EVI5L: variants seen among roughly 807,000 people sequenced by gnomAD.
EVI5L encodes the protein ecotropic viral integration site 5 like.
In EVI5L, 30 loss-of-function variants were observed where a neutral mutation model predicts 106.1. That is an observed-to-expected ratio of 0.28 (90% CI 0.21 to 0.38). The LOEUF is 0.38. Among genes scored for constraint, EVI5L ranks in the 10% least tolerant of loss-of-function variants. The pLI, the probability that EVI5L is intolerant of heterozygous loss-of-function variation, is 1.00. For synonymous variants in EVI5L, 489 were observed against 483.3 expected, an observed-to-expected ratio of 1.01 and a Z score of -0.15; for missense variants, 809 against 1,098.0, an observed-to-expected ratio of 0.74 and a Z score of 3.72.
At chr19:7,841,337 G>A (rs1411012764) in intron 1 of EVI5L, among the ~76,000 whole-genome samples, 1 of 152,134 alleles carries the variant, frequency 6.6e-6, no homozygotes, top group Non-Finnish European at 1.5e-5. Flanking sequence ...GGGAGGAAGA[G>A]ATGCCACGTG....
chr19:7,840,085 A>G (rs1220602077), intron 1 of EVI5L, among the ~76,000 whole-genome samples: 1 of 152,182 alleles, frequency 6.6e-6, no homozygotes, highest in African/African-American at 2.4e-5. Context: ...CCGGGGACCC[A>G]GATAGATGCA....
At chr19:7,852,560 C>CT (rs55953605) in intron 8 of EVI5L, among the ~76,000 whole-genome samples, 5 of 148,398 alleles carry the variant, frequency 3.4e-5, no homozygotes, top group African/African-American at 1.2e-4. Context: ...TTACCTTTTT[C>CT]TTTTTTTTTT....
Position 7,863,415 on chromosome 19 carries a change from C to T in EVI5L, c.2140-9C>T. Reference sequence around the variant, plus strand: ...GGTCCACGCCTGCAGCGCCGGTCCCCCGCCCCAGGTGCGGCTGCTGAAGGG... The same window carrying T: ...GGTCCACGCCTGCAGCGCCGGTCCCTCGCCCCAGGTGCGGCTGCTGAAGGG... On this transcript the variant is annotated splice_polypyrimidine_tract_variant and intron_variant, in intron 19 of 19. Coordinates refer to ENST00000538904, the MANE Select transcript of EVI5L (RefSeq NM_001159944.3). This position sits in a 1 kb window ranked among gnomAD's most constrained non-coding sequence, Gnocchi z 7.7. The T allele has an allele frequency of 6.5e-7, 1 of 1,534,200 alleles. No individual in the cohort carries two copies. Among genetic ancestry groups the T allele is most frequent in the Non-Finnish European group, 8.8e-7 (1 of 1,140,670 alleles).
Position 7,853,088 on chromosome 19 carries a change from C to T in EVI5L, c.990C>T (p.Tyr330=). 1 of 1,613,768 alleles carries T rather than the reference C, an allele frequency of 6.2e-7. No individual in the cohort carries two copies. Among genetic ancestry groups the T allele is most frequent in the African/African-American group, 1.3e-5 (1 of 75,044 alleles). ...GGTGACCGGCTGTGTCCCCACAGTACTTCCAGAGAGTGATCCCCCACCAGT... is the reference window on the plus strand; with the variant it reads ...GGTGACCGGCTGTGTCCCCACAGTATTTCCAGAGAGTGATCCCCCACCAGT... The part of the protein sequence containing the change: ...MQLDMEGMSQ[Y]FQRVIPHQFD... The change falls in exon 9 of 20, where the codon TAC becomes TAT. Residue 330 remains tyrosine, a splice_region_variant and synonymous_variant. Transcript: ENST00000538904.
chr19:7,857,921 A>G lies in EVI5L; in HGVS notation c.1234-270A>G. The G allele has an allele frequency of 2.2e-6, 1 of 456,360 alleles. No individual in the cohort carries two copies. Among genetic ancestry groups the G allele is most frequent in the Non-Finnish European group, 4.0e-6 (1 of 251,932 alleles). The allele number at this position is 456,360 out of a possible 1,614,324, so 28.3% of individuals were successfully genotyped here. On this transcript the variant is annotated intron_variant, in intron 12 of 19. Coordinates refer to ENST00000538904, the MANE Select transcript of EVI5L (RefSeq NM_001159944.3). The surrounding 1 kb of genome is among the most constrained non-coding windows in gnomAD (Gnocchi z 4.5). ...AGGATCCCAACTGGGGCAGAGACTGAGAGCCAGAGTGGGGAAGGAGATGGA... is the reference window on the plus strand; with the variant it reads ...AGGATCCCAACTGGGGCAGAGACTGGGAGCCAGAGTGGGGAAGGAGATGGA...
intron 10 of EVI5L, among the ~76,000 whole-genome samples, chr19:7,854,895 A>C (rs992057289): frequency 3.9e-5 from 6 of 152,148 alleles, no homozygotes; most frequent in African/African-American, 1.4e-4. Context: ...GGAATGTTCT[A>C]GGTGTTTCCA....
chr19:7,855,775 G>A (rs542629269), intron 10 of EVI5L, among the ~76,000 whole-genome samples: 2 of 152,322 alleles, frequency 1.3e-5, no homozygotes, highest in African/African-American at 4.8e-5. Context: ...AGGCACTGAC[G>A]TTATTTTTAC....
At chr19:7,833,469 G>C (rs1300391713) in intron 1 of EVI5L, among the ~76,000 whole-genome samples, 1 of 152,246 alleles carries the variant, frequency 6.6e-6, no homozygotes, top group Non-Finnish European at 1.5e-5. Context: ...GCTGCGGGGA[G>C]CATGAGACAG....
At chr19:7,833,060 C>T (rs1338428533) in intron 1 of EVI5L, among the ~76,000 whole-genome samples, 1 of 152,206 alleles carries the variant, frequency 6.6e-6, no homozygotes, top group Non-Finnish European at 1.5e-5. Flanking sequence ...CCCAGGATGA[C>T]TGTGAACTCT....
Position 7,851,419 on chromosome 19 carries a change from C to T in EVI5L, c.754-15C>T. On this transcript the variant is annotated splice_polypyrimidine_tract_variant and intron_variant, in intron 6 of 19. Transcript: ENST00000538904. ...GTCCCCCTCACTGTGCCCACCCGGC[C>T]TCCCACCCCTGCAGGAGCAGCTCCC... 1 of 1,606,742 alleles carries T rather than the reference C, an allele frequency of 6.2e-7. No homozygotes were observed. The highest frequency in any genetic ancestry group is 8.5e-7 in the Non-Finnish European group (1 of 1,176,204).
At chr19:7,862,860 C>A in intron 17 of EVI5L, 112 bp from the exon 18 acceptor site, 1 of 685,994 alleles carries the variant, frequency 1.5e-6, no homozygotes, top group South Asian at 2.0e-5. Flanking sequence ...TGCCTCCTGA[C>A]CCGCCTCCGC....
intron 10 of EVI5L, 45 bp downstream of exon 10, chr19:7,853,378 T>TG (rs774156852): frequency 1.3e-6 from 2 of 1,579,898 alleles, no homozygotes; most frequent in Non-Finnish European, 1.7e-6. Context: ...GGGAGGCCTT[T>TG]GGGGGCTGCC....
Position 7,860,645 on chromosome 19 carries a change from G to T in EVI5L, c.1459G>T (p.Gly487Trp). The stretch of plus-strand genomic sequence containing the variant: ...GAGGCTGCGGGAGACGGAGACACTG[G>T]GGGCCCTTCGGGAGATGCAGGACAA... ...QSRLRETETL[G>W]ALREMQDKVL... Residue 487 changes from glycine to tryptophan, a missense_variant, in exon 14 of 20, where the codon GGG becomes TGG. Physicochemically the swap from Gly to Trp is radical, Grantham distance 184. Transcript: ENST00000538904. The T allele has an allele frequency of 6.3e-7, 1 of 1,594,786 alleles. No individual in the cohort carries two copies. The highest frequency in any genetic ancestry group is 8.5e-7 in the Non-Finnish European group (1 of 1,170,836).
Position 7,860,692 on chromosome 19 carries a change from G to A in EVI5L, c.1503+3G>A, listed in dbSNP as rs751213938. 1.1e-5 allele frequency: 17 copies of A among 1,579,322 alleles called. 1 individual carries two copies. The South Asian group carries it at 1.6e-4, about 15-fold the overall frequency. Reference sequence around the variant, plus strand: ...ACAAGGTTCTCGACATGGAAAAGGTGCAATGGGGAGGCAGACGGGCAGGTG... The same window carrying A: ...ACAAGGTTCTCGACATGGAAAAGGTACAATGGGGAGGCAGACGGGCAGGTG... On this transcript the variant is annotated splice_donor_region_variant and intron_variant, in intron 14 of 19. Coordinates refer to ENST00000538904, the MANE Select transcript of EVI5L (RefSeq NM_001159944.3).
At chr19:7,831,640 T>C (rs1281193727) in intron 1 of EVI5L, among the ~76,000 whole-genome samples, 3 of 152,186 alleles carry the variant, frequency 2.0e-5, no homozygotes, top group African/African-American at 7.2e-5. Flanking sequence ...GACGCTCACT[T>C]TCTCTCCTAC....
intron 17 of EVI5L, 41 bp downstream of exon 17, chr19:7,862,575 C>T (rs754010369): frequency 1.5e-4 from 204 of 1,374,848 alleles, no homozygotes; most frequent in Non-Finnish European, 1.8e-4. Flanking sequence ...TGGCACCGCC[C>T]CCGGACGCGC....
chr19:7,852,056 C>T (rs1767993793), intron 8 of EVI5L, among the ~76,000 whole-genome samples: 1 of 152,210 alleles, frequency 6.6e-6, no homozygotes, highest in Admixed American at 6.5e-5. Context: ...CTGCCCCCAA[C>T]CCCGCAGATG....
At position 7,857,164 on chromosome 19, in the gene EVI5L, G is replaced by A; in HGVS notation, c.1233+40G>A. On this transcript the variant is annotated intron_variant, in intron 12 of 19. Transcript: ENST00000538904. This position sits in a 1 kb window ranked among gnomAD's most constrained non-coding sequence, Gnocchi z 4.5. Reference sequence around the variant, plus strand: ...TATCCCCTCTCCGGATTCCTTCCTGGCCCCTTCCCTGCACCCTGCACATGA... The same window carrying A: ...TATCCCCTCTCCGGATTCCTTCCTGACCCCTTCCCTGCACCCTGCACATGA... 1 of 1,550,338 alleles carries A rather than the reference G, an allele frequency of 6.5e-7. No homozygotes were observed. Among genetic ancestry groups the A allele is most frequent in the East Asian group, 2.4e-5 (1 of 40,908 alleles).
chr19:7,834,041 T>C (rs1167350735), intron 1 of EVI5L, among the ~76,000 whole-genome samples: 2 of 152,146 alleles, frequency 1.3e-5, no homozygotes, highest in African/African-American at 4.8e-5. Flanking sequence ...GATATGCTTG[T>C]GAGAGTGTTT....
Sources: allele counts gnomAD v4.1 joint callset (sites outside exome capture counted in the v4.1 genomes callset), GRCh38; gene constraint gnomAD v4.1.1; non-coding constraint Gnocchi (gnomAD v3.1); transcripts MANE v1.5; gene names NCBI Gene and HGNC (gene_info 2026-07-23, HGNC 2026-07-21).